Variants in RBBP8 observed in about 807,000 individuals in gnomAD.
The protein encoded by RBBP8 is DNA endonuclease RBBP8.
RBBP8 carries 88 observed loss-of-function variants against 108.3 expected under a neutral mutation model. The observed-to-expected ratio is 0.81, with a 90% CI of 0.68 to 0.97. The LOEUF is 0.97. Among genes scored for constraint, RBBP8 ranks in the 50% least tolerant of loss-of-function variants. RBBP8 has a pLI of 0.00. For synonymous variants in RBBP8, 332 were observed against 348.2 expected, an observed-to-expected ratio of 0.95 and a Z score of 0.52; for missense variants, 1,023 against 1,049.0, an observed-to-expected ratio of 0.98 and a Z score of 0.34.
At chr18:22,914,630 T>G (rs1374716962) in intron 1 of RBBP8, among the ~76,000 whole-genome samples, 5 of 152,218 alleles carry the variant, frequency 3.3e-5, no homozygotes, top group African/African-American at 4.8e-5. Context: ...CTTCATAATG[T>G]AACTATTATG....
intron 4 of RBBP8, among the ~76,000 whole-genome samples, chr18:22,964,818 C>A (rs1281523345): frequency 1.3e-5 from 2 of 151,840 alleles, no homozygotes; most frequent in Non-Finnish European, 2.9e-5. Context: ...TCTAAAGTCT[C>A]TTTTTTGTTC....
At chr18:22,990,866 C>T in intron 9 of RBBP8, 71 bp from the exon 10 acceptor site, 2 of 1,130,350 alleles carry the variant, frequency 1.8e-6, no homozygotes, top group Non-Finnish European at 2.7e-6. Context: ...TAACATATAT[C>T]AGTACTTCAT....
intron 8 of RBBP8, among the ~76,000 whole-genome samples, chr18:22,987,509 A>G (rs1454630875): frequency 6.6e-6 from 1 of 152,082 alleles, no homozygotes; most frequent in Non-Finnish European, 1.5e-5. Context: ...GCTGGAGTGC[A>G]GTGGCACAAA....
chr18:23,010,635 T>C (rs1313465840), intron 16 of RBBP8, among the ~76,000 whole-genome samples: 1 of 152,078 alleles, frequency 6.6e-6, no homozygotes, highest in Non-Finnish European at 1.5e-5. Context: ...ATGTTTCATG[T>C]TAAAGGTTCA....
chr18:22,920,127 A>T (rs7242127), intron 3 of RBBP8, among the ~76,000 whole-genome samples: 1 of 151,778 alleles, frequency 6.6e-6, no homozygotes, highest in African/African-American at 2.4e-5. Flanking sequence ...GTTCAAGACC[A>T]GCCTGGGAAA....
chr18:22,924,144 T>TTTC (rs1299841172), intron 3 of RBBP8, among the ~76,000 whole-genome samples: 1 of 147,722 alleles, frequency 6.8e-6, no homozygotes, highest in Non-Finnish European at 1.5e-5. Flanking sequence ...TTTTTTTTTT[T>TTTC]TTTGAGACGG....
chr18:22,920,453 A>C (rs1011353774), intron 3 of RBBP8, among the ~76,000 whole-genome samples: 2 of 152,214 alleles, frequency 1.3e-5, no homozygotes, highest in East Asian at 3.8e-4. Flanking sequence ...TTATCTTAGA[A>C]ATTATGTATC....
chr18:22,930,984 C>G (rs534833389), upstream of RBBP8, among the ~76,000 whole-genome samples: 14 of 152,016 alleles, frequency 9.2e-5, no homozygotes, highest in Non-Finnish European at 1.9e-4. Context: ...ACTATGTTGC[C>G]CAAGCTCATC....
intron 10 of RBBP8, 54 bp downstream of exon 10, chr18:22,991,103 C>T: frequency 2.5e-6 from 3 of 1,212,842 alleles, no homozygotes; most frequent in Non-Finnish European, 2.4e-6. Flanking sequence ...GATCCCATTA[C>T]AATGAATTTC....
chr18:22,924,774 G>T (rs1909728420), intron 3 of RBBP8, among the ~76,000 whole-genome samples: 3 of 152,172 alleles, frequency 2.0e-5, no homozygotes, highest in Admixed American at 6.5e-5. Context: ...TAAAGTAAAA[G>T]TGAGCTGTAT....
At chr18:22,989,349 G>A in intron 9 of RBBP8, 31 bp downstream of exon 9, 1 of 1,455,374 alleles carries the variant, frequency 6.9e-7, no homozygotes, top group Non-Finnish European at 9.6e-7. Context: ...GCAATAACAT[G>A]AATTAATTTT....
intron 3 of RBBP8, chr18:22,920,875 T>A (rs1334438273): frequency 6.6e-6 from 1 of 152,164 alleles, no homozygotes; most frequent in Non-Finnish European, 1.5e-5. Context: ...CTTCTGCCTA[T>A]AACAGAGAAT....
At chr18:22,926,326 G>A (rs1200542920) in intron 3 of RBBP8, among the ~76,000 whole-genome samples, 2 of 152,186 alleles carry the variant, frequency 1.3e-5, no homozygotes, top group Non-Finnish European at 2.9e-5. Context: ...AAGATGCTGA[G>A]GCAGGAGAAT....
intron 4 of RBBP8, among the ~76,000 whole-genome samples, chr18:22,962,773 A>G (rs1913220724): frequency 6.8e-6 from 1 of 147,972 alleles, no homozygotes; most frequent in Non-Finnish European, 1.5e-5. Flanking sequence ...AATTTTTCTG[A>G]TATTTTTCGT....
At position 23,017,099 on chromosome 18, in the gene RBBP8, A is replaced by G. The variant is rs546394345; in HGVS notation, c.2454+175A>G. Among the ~76,000 whole-genome samples, 10 of 152,268 alleles carry G rather than the reference A, an allele frequency of 6.6e-5. No homozygotes were observed. The East Asian group carries it at 9.7e-4, about 15-fold the overall frequency. On this transcript the variant is annotated intron_variant, in intron 17 of 18. Transcript: ENST00000327155. The stretch of plus-strand genomic sequence containing the variant: ...GTCGGGTGCGGTGGCTCATGCCTCT[A>G]ATCTCAGCATTTTGGGAGGCCAAGG...
intron 5 of RBBP8, among the ~76,000 whole-genome samples, chr18:22,970,360 A>G (rs562362751): frequency 6.6e-6 from 1 of 152,208 alleles, no homozygotes; most frequent in African/African-American, 2.4e-5. Flanking sequence ...CAGCAACTTT[A>G]TCTAAAATAG....
rs1232630655 is a variant in RBBP8 at position 23,003,247 on chromosome 18, T to C, written c.2287+1518T>C. Among the ~76,000 whole-genome samples the C allele has an allele frequency of 2.5e-4, 38 of 152,260 alleles. 1 individual carries two copies. The highest frequency in any genetic ancestry group is 2.5e-3 in the Admixed American group (38 of 15,286). The stretch of plus-strand genomic sequence containing the variant: ...TCTTGCATTTCTGAGTACTGTGAGA[T>C]ACTTTTGCGTCTCTTCAGCTTAAAC... On this transcript the variant is annotated intron_variant, in intron 15 of 18. Transcript: ENST00000327155.
At chr18:22,981,445 A>G (rs571559707) in intron 6 of RBBP8, among the ~76,000 whole-genome samples, 2 of 152,118 alleles carry the variant, frequency 1.3e-5, no homozygotes, top group East Asian at 3.9e-4. Context: ...TTAAATCCTG[A>G]CTCTGTTACT....
At chr18:23,012,277 A>G (rs535202882) in intron 16 of RBBP8, among the ~76,000 whole-genome samples, 1 of 150,896 alleles carries the variant, frequency 6.6e-6, no homozygotes, top group East Asian at 2.0e-4. Context: ...GAAGAGTTGC[A>G]CATCTCTTAC....
Sources: gnomAD v4.1 joint callset for allele counts (sites outside exome capture counted in the v4.1 genomes callset) on GRCh38, gnomAD v4.1.1 for gene constraint, MANE v1.5 for transcripts, NCBI Gene and HGNC (gene_info 2026-07-23, HGNC 2026-07-21) for gene names.